The following IGFBP2 variants were observed in gnomAD, a reference collection of about 807,000 sequenced individuals.
The protein encoded by IGFBP2 is insulin like growth factor binding protein 2.
IGFBP2 carries 12 observed loss-of-function variants against 26.2 expected under a neutral mutation model. The observed-to-expected ratio is 0.46, with a 90% confidence interval of 0.29 to 0.74. The LOEUF (loss-of-function observed/expected upper bound fraction) is 0.74. Among genes scored for constraint, IGFBP2 ranks in the 30% least tolerant of loss-of-function variants. IGFBP2 has a pLI of 0.09. For synonymous variants in IGFBP2, 189 were observed against 200.6 expected (o/e 0.94, Z 0.49); for missense variants, 328 against 441.2 (o/e 0.74, Z 2.30).
chr2:216,646,201 A>T (rs772694927), intron 1 of IGFBP2, among the ~76,000 whole-genome samples: 1 of 152,204 alleles, frequency 6.6e-6, no homozygotes, highest in Non-Finnish European at 1.5e-5. Context: ...ATCTGAGAGC[A>T]GAGTTATGGG....
chr2:216,662,143 A>T (rs1357906750), intron 3 of IGFBP2, 145 bp downstream of exon 3: 1 of 941,248 alleles, frequency 1.1e-6, no homozygotes, highest in Non-Finnish European at 1.6e-6. Context: ...GGGGATTGGG[A>T]TGCCAGCTGC....
chr2:216,659,971 G>A (rs942217535), intron 1 of IGFBP2, among the ~76,000 whole-genome samples: 62 of 152,150 alleles, frequency 4.1e-4, no homozygotes, highest in African/African-American at 1.5e-3. Context: ...GGGTGGCGAC[G>A]TGGCCTTCCA....
In IGFBP2 at chr2:216,664,316, C is replaced by CG. The variant is rs1688718928; in HGVS notation, c.*217dup. 1.2e-5 allele frequency: 5 copies of CG among 413,338 alleles called. No homozygotes were observed. The highest frequency in any genetic ancestry group is 4.0e-5 in the African/African-American group (2 of 49,622). The allele number at this position is 413,338 out of a possible 1,614,324, so 25.6% of individuals were successfully genotyped here. ...CACACCTGCTCCTTCTTGCTTTCCCCGGGGGAGGAAGGGGGTTGTGGTCGG... is the reference window on the plus strand; with the variant it reads ...CACACCTGCTCCTTCTTGCTTTCCCCGGGGGGAGGAAGGGGGTTGTGGTCGG... On this transcript the variant is annotated 3_prime_UTR_variant, in exon 4 of 4. Transcript: ENST00000233809. The surrounding 1 kb of genome is among the most constrained non-coding windows in gnomAD (Gnocchi z 4.6).
chr2:216,655,116 T>C lies in IGFBP2; in HGVS notation c.443-5441T>C, dbSNP rs560967062. Among the ~76,000 whole-genome samples, 3 of 152,326 alleles carry C rather than the reference T, an allele frequency of 2.0e-5. No homozygotes were observed. The East Asian group carries it at 5.8e-4, about 29-fold the overall frequency. On this transcript the variant is annotated intron_variant, in intron 1 of 3. Transcript: ENST00000233809. ...AGGCTGGAGTGCAGTGGCATGATCATGGCTCACTGCAGCCTCTAACCCCTG... is the reference window on the plus strand; with the variant it reads ...AGGCTGGAGTGCAGTGGCATGATCACGGCTCACTGCAGCCTCTAACCCCTG...
rs113786655 is a variant in IGFBP2 at position 216,661,838 on chromosome 2, C to T, written c.673-20C>T. The T allele has an allele frequency of 3.0e-5, 49 of 1,613,982 alleles. No individual in the cohort carries two copies. The African/African-American group carries it at 4.8e-4, about 16-fold the overall frequency. The stretch of plus-strand genomic sequence containing the variant: ...CCTGCTGTCCTCACTCCGGGCGTCC[C>T]CTGCTGTCTGTGCGTGCAGACTCCC... On this transcript the variant is annotated intron_variant, in intron 2 of 3. Coordinates refer to ENST00000233809, the MANE Select transcript of IGFBP2 (RefSeq NM_000597.3).
At position 216,633,429 on chromosome 2, in the gene IGFBP2, G is replaced by A. The variant is rs1428250287; in HGVS notation, c.-95G>A. The A allele has an allele frequency of 5.2e-6, 1 of 192,224 alleles. No homozygotes were observed. The highest frequency in any genetic ancestry group is 2.4e-5 in the African/African-American group (1 of 42,042). The allele number at this position is 192,224 out of a possible 1,614,324, so 11.9% of individuals were successfully genotyped here. On this transcript the variant is annotated 5_prime_UTR_variant, in exon 1 of 4. Coordinates refer to ENST00000233809, the MANE Select transcript of IGFBP2 (RefSeq NM_000597.3). ...TGCGGCGGCGAGGGAGGAGGAAGAA[G>A]CGGAGGAGGCGGCTCCCGCGCTCGC...
chr2:216,646,783 C>T (rs137965667), intron 1 of IGFBP2, among the ~76,000 whole-genome samples: 147 of 152,270 alleles, frequency 9.7e-4, no homozygotes, highest in African/African-American at 3.1e-3. Flanking sequence ...AGACCTACCC[C>T]GATGATTCAA....
At chr2:216,640,514 G>T (rs1173202278) in intron 1 of IGFBP2, among the ~76,000 whole-genome samples, 1 of 152,096 alleles carries the variant, frequency 6.6e-6, no homozygotes, top group Non-Finnish European at 1.5e-5. Context: ...GAGATTGGTG[G>T]TGCTCGCATC....
chr2:216,652,180 T>G (rs1697839592), intron 1 of IGFBP2, among the ~76,000 whole-genome samples: 1 of 151,674 alleles, frequency 6.6e-6, no homozygotes, highest in Non-Finnish European at 1.5e-5. Flanking sequence ...ATTTTTTTTT[T>G]TTTTTTTTTT....
chr2:216,636,968 A>G (rs918942289), intron 1 of IGFBP2, among the ~76,000 whole-genome samples: 1 of 151,856 alleles, frequency 6.6e-6, no homozygotes, highest in African/African-American at 2.4e-5. Context: ...GAGGCTCTGC[A>G]TCTGCAGTTG....
At chr2:216,640,866 T>A (rs1190291897) in intron 1 of IGFBP2, among the ~76,000 whole-genome samples, 1 of 152,202 alleles carries the variant, frequency 6.6e-6, no homozygotes, top group Non-Finnish European at 1.5e-5. Flanking sequence ...CAGTTACAAG[T>A]CCTGGAGTTT....
chr2:216,653,236 A>T (rs113980437), intron 1 of IGFBP2, among the ~76,000 whole-genome samples: 2 of 152,184 alleles, frequency 1.3e-5, no homozygotes, highest in African/African-American at 4.8e-5. Context: ...GGAATCACCA[A>T]TTTCCAAATA....
chr2:216,661,327 C>CT, intron 2 of IGFBP2: 1 of 276,610 alleles, frequency 3.6e-6, no homozygotes, highest in Non-Finnish European at 7.0e-6. Context: ...TGGTCTCAAA[C>CT]TCCTGGACTC....
intron 1 of IGFBP2, among the ~76,000 whole-genome samples, chr2:216,635,086 T>G (rs1286857820): frequency 6.6e-6 from 1 of 150,872 alleles, no homozygotes; most frequent in Non-Finnish European, 1.5e-5. Flanking sequence ...TTTTAGCTTC[T>G]GAGGTCTTCG....
rs1036728388 is a variant in IGFBP2 at position 216,660,478 on chromosome 2, A to G, written c.443-79A>G. Reference sequence around the variant, plus strand: ...CGTCATCTCCACCCTCATCATCATTACGGTCCAGGTGGCTCCCGGAGGGCA... The same window carrying G: ...CGTCATCTCCACCCTCATCATCATTGCGGTCCAGGTGGCTCCCGGAGGGCA... On this transcript the variant is annotated intron_variant, in intron 1 of 3. Coordinates refer to ENST00000233809, the MANE Select transcript of IGFBP2 (RefSeq NM_000597.3). 1.4e-5 allele frequency: 14 copies of G among 1,028,952 alleles called. No individual in the cohort carries two copies. The Admixed American group carries it at 2.7e-4, about 20-fold the overall frequency. 63.7% of individuals were successfully genotyped at this position (1,028,952 alleles called of 1,614,324 possible).
chr2:216,634,752 C>A (rs949409988), intron 1 of IGFBP2, among the ~76,000 whole-genome samples: 1 of 128,586 alleles, frequency 7.8e-6, no homozygotes, highest in Non-Finnish European at 1.6e-5. Context: ...GATGCGTTGC[C>A]ACCCCCCACC....
At chr2:216,659,807 A>AGT in intron 1 of IGFBP2, 1 of 1,367,124 alleles carries the variant, frequency 7.3e-7, no homozygotes, top group Non-Finnish European at 1.0e-6. Context: ...TCTCAGTATA[A>AGT]TGGGGTTGGG....
At chr2:216,639,587 T>G (rs1019399916) in intron 1 of IGFBP2, among the ~76,000 whole-genome samples, 3 of 152,182 alleles carry the variant, frequency 2.0e-5, no homozygotes, top group Non-Finnish European at 4.4e-5. Context: ...GTTTTTTTGT[T>G]TTTACAAAGA....
intron 1 of IGFBP2, among the ~76,000 whole-genome samples, chr2:216,642,652 C>T (rs188861492): frequency 1.8e-3 from 268 of 152,228 alleles, no homozygotes; most frequent in African/African-American, 6.2e-3. Context: ...TCTTTGGATC[C>T]GATGTGCTGA....
Sources: allele counts gnomAD v4.1 joint callset (sites outside exome capture counted in the v4.1 genomes callset), GRCh38; gene constraint gnomAD v4.1.1; non-coding constraint Gnocchi (gnomAD v3.1); transcripts MANE v1.5; gene names NCBI Gene and HGNC (gene_info 2026-07-23, HGNC 2026-07-21).